The following CFAP97 variants were observed in gnomAD, a reference collection of about 807,000 sequenced individuals.
The protein encoded by CFAP97 is cilia and flagella associated protein 97.
In CFAP97, 36 loss-of-function variants were observed where a neutral mutation model predicts 43.1. The observed-to-expected ratio is 0.84, with a 90% CI of 0.64 to 1.10. The LOEUF is 1.10. CFAP97 is among the 50% of genes least tolerant of loss of function. The pLI, the probability that CFAP97 is intolerant of heterozygous loss-of-function variation, is 0.00. For synonymous variants in CFAP97, 228 were observed against 225.7 expected (o/e 1.01, Z -0.09); for missense variants, 657 against 620.3 (o/e 1.06, Z -0.63).
At chr4:185,198,584 G>A (rs1262611463) in intron 1 of CFAP97, among the ~76,000 whole-genome samples, 1 of 151,964 alleles carries the variant, frequency 6.6e-6, no homozygotes. Flanking sequence ...CAGGTCAGGA[G>A]TTCAAGACCA....
At chr4:185,197,993 G>A (rs187910654) in intron 1 of CFAP97, among the ~76,000 whole-genome samples, 41 of 152,272 alleles carry the variant, frequency 2.7e-4, no homozygotes, top group African/African-American at 9.1e-4. Flanking sequence ...AAGTCTGAAT[G>A]GTCTGGATAC....
At chr4:185,192,169 G>A (rs894952636) in intron 1 of CFAP97, among the ~76,000 whole-genome samples, 1 of 152,144 alleles carries the variant, frequency 6.6e-6, no homozygotes, top group African/African-American at 2.4e-5. Context: ...TCTTTAAGAG[G>A]AACAAAACTT....
rs142525380 is a variant in CFAP97 at position 185,162,706 on chromosome 4, G to A, written c.*92C>T. On this transcript the variant is annotated 3_prime_UTR_variant, in exon 5 of 5. Transcript: ENST00000458385. ...GTTGTACACCTTCAATTGCTAAAAC[G>A]GTATTCTAGATGTTTACACAGAGAA... 1.8e-4 allele frequency: 236 copies of A among 1,342,104 alleles called. No homozygotes were observed. In the African/African-American group the frequency reaches 3.0e-3, roughly 17 times the overall value. 83.1% of individuals were successfully genotyped at this position (1,342,104 alleles called of 1,614,324 possible). A position where few individuals can be genotyped will look rare whatever the true frequency, so the allele number is the denominator to read the frequency against.
At chr4:185,186,521 T>C (rs1228586546) in intron 2 of CFAP97, among the ~76,000 whole-genome samples, 1 of 152,182 alleles carries the variant, frequency 6.6e-6, no homozygotes, top group Non-Finnish European at 1.5e-5. Flanking sequence ...TACTCCTTCA[T>C]TTTTGAACAT....
chr4:185,168,378 A>C (rs1438843312), intron 3 of CFAP97, among the ~76,000 whole-genome samples: 3 of 151,338 alleles, frequency 2.0e-5, no homozygotes, highest in Non-Finnish European at 4.4e-5. Context: ...AGGCTGAGGC[A>C]GGCAGATCAC....
chr4:185,170,337 T>C (rs776428280), intron 3 of CFAP97: 8 of 569,930 alleles, frequency 1.4e-5, no homozygotes, highest in East Asian at 3.2e-5. Context: ...CAGAGCGAGA[T>C]AGTCTAAATA....
chr4:185,175,514 G>C (rs919373160), intron 3 of CFAP97, among the ~76,000 whole-genome samples: 2 of 152,084 alleles, frequency 1.3e-5, no homozygotes, highest in African/African-American at 2.4e-5. Flanking sequence ...TGCCTCAAGC[G>C]ATCTGCCCAC....
chr4:185,191,137 G>A lies in CFAP97; in HGVS notation c.60C>T (p.Asp20=), dbSNP rs1736235899. The A allele has an allele frequency of 1.2e-6, 2 of 1,608,080 alleles. No individual in the cohort carries two copies. Among genetic ancestry groups the A allele is most frequent in the East Asian group, 4.5e-5 (2 of 44,812 alleles). ...TTTCACATTTCTTTCCTTCTTCAAA[G>A]TCACTGTCAAAGAAAGAATGGTCCA... The part of the protein sequence containing the change: ...GEVDHSFFDS[D]FEEGKKCETN... Residue 20 remains aspartate (D), a synonymous_variant, in exon 2 of 5, where the codon GAC becomes GAT. Coordinates refer to ENST00000458385, the MANE Select transcript of CFAP97 (RefSeq NM_020827.3).
chr4:185,190,433 A>AG lies in CFAP97; in HGVS notation c.763_764insC (p.Val255AlafsTer10). 1 of 1,613,780 alleles carries AG rather than the reference A, an allele frequency of 6.2e-7. No homozygotes were observed. Among genetic ancestry groups the AG allele is most frequent in the Non-Finnish European group, 8.5e-7 (1 of 1,179,770 alleles). Reference sequence around the variant, plus strand: ...AATGTCTGGAGTTGATAAGGGACTTACGTCAGTCACAGTATCTTCAGACTC... The same window carrying AG: ...AATGTCTGGAGTTGATAAGGGACTTAGCGTCAGTCACAGTATCTTCAGACTC... On this transcript the variant is annotated frameshift_variant, in exon 2 of 5. Coordinates refer to ENST00000458385, the MANE Select transcript of CFAP97 (RefSeq NM_020827.3). LOFTEE classifies it high-confidence loss of function.
intron 2 of CFAP97, among the ~76,000 whole-genome samples, chr4:185,189,838 T>C (rs774003429): frequency 3.3e-5 from 5 of 152,222 alleles, no homozygotes; most frequent in African/African-American, 7.2e-5. Flanking sequence ...CTATCAAAAG[T>C]GGAAAAACAT....
intron 1 of CFAP97, among the ~76,000 whole-genome samples, chr4:185,192,445 G>A (rs1736304565): frequency 6.6e-6 from 1 of 152,066 alleles, no homozygotes; most frequent in South Asian, 2.1e-4. Context: ...CAGGGGGCAG[G>A]GGCCACTGAT....
chr4:185,172,397 T>C (rs903102983), intron 3 of CFAP97, among the ~76,000 whole-genome samples: 1 of 152,210 alleles, frequency 6.6e-6, no homozygotes, highest in African/African-American at 2.4e-5. Flanking sequence ...TTTTATACAA[T>C]CGTTGCCTTC....
At chr4:185,200,876 T>A (rs1463282674) in intron 1 of CFAP97, among the ~76,000 whole-genome samples, 1 of 152,190 alleles carries the variant, frequency 6.6e-6, no homozygotes, top group African/African-American at 2.4e-5. Flanking sequence ...TTGCTTCTTA[T>A]GGATGAGCAA....
chr4:185,165,205 T>C (rs1422142726), intron 3 of CFAP97, among the ~76,000 whole-genome samples: 2 of 152,196 alleles, frequency 1.3e-5, no homozygotes, highest in African/African-American at 4.8e-5. Context: ...CCCAGCACTT[T>C]GGGGAGCCCG....
At chr4:185,192,729 C>CCTT (rs1166041877) in intron 1 of CFAP97, among the ~76,000 whole-genome samples, 9 of 125,454 alleles carry the variant, frequency 7.2e-5, no homozygotes, top group East Asian at 4.6e-4. Context: ...TCAGAATTGA[C>CCTT]CTTCTTTTTT....
chr4:185,173,655 C>T (rs1387982613), intron 3 of CFAP97, among the ~76,000 whole-genome samples: 1 of 152,102 alleles, frequency 6.6e-6, no homozygotes, highest in Non-Finnish European at 1.5e-5. Flanking sequence ...AAATATTGTA[C>T]AGTTCTACTC....
intron 1 of CFAP97, among the ~76,000 whole-genome samples, chr4:185,198,776 C>T (rs549475452): frequency 1.3e-3 from 59 of 43,926 alleles, no homozygotes; most frequent in African/African-American, 2.9e-3. Flanking sequence ...GCAACAAGAG[C>T]GAAACTCCAT....
At chr4:185,186,261 C>G (rs1254559653) in intron 2 of CFAP97, among the ~76,000 whole-genome samples, 2 of 151,978 alleles carry the variant, frequency 1.3e-5, no homozygotes, top group Non-Finnish European at 2.9e-5. Flanking sequence ...GGTGAAACCC[C>G]GTCTCTACTA....
intron 1 of CFAP97, among the ~76,000 whole-genome samples, chr4:185,191,641 C>A (rs1736262076): frequency 6.6e-6 from 1 of 152,158 alleles, no homozygotes; most frequent in African/African-American, 2.4e-5. Flanking sequence ...ACCATCCTGG[C>A]CAACATGGTG....
Sources: gnomAD v4.1 joint callset for allele counts (sites outside exome capture counted in the v4.1 genomes callset) on GRCh38, gnomAD v4.1.1 for gene constraint, MANE v1.5 for transcripts, NCBI Gene and HGNC (gene_info 2026-07-23, HGNC 2026-07-21) for gene names.